The following CCDC171 variants were observed in gnomAD, a reference collection of about 807,000 sequenced individuals.
The protein encoded by CCDC171 is coiled-coil domain containing 171, also known as coiled-coil domain-containing protein 171.
Under a neutral mutation model 168.2 loss-of-function variants are expected in CCDC171, and 177 were observed. The observed-to-expected ratio is 1.05, with a 90% CI of 0.93 to 1.19. The LOEUF is 1.19. CCDC171 is among the 50% of genes most tolerant of loss of function. The probability of loss-of-function intolerance (pLI) is 0.00; values close to 1 mark genes in which losing one functional copy is unlikely to be tolerated. For missense variants in CCDC171, 1,991 were observed against 1,539.0 expected (o/e 1.29, Z -4.91); for synonymous variants, 687 against 540.8 (o/e 1.27, Z -3.75).
intron 23 of CCDC171, among the ~76,000 whole-genome samples, 170 bp downstream of exon 23, chr9:15,849,117 T>A (rs2061021235): frequency 6.6e-6 from 1 of 151,688 alleles, no homozygotes; most frequent in South Asian, 2.1e-4. Context: ...TATTGCATGC[T>A]TTTTTTCAGA....
In CCDC171 at chr9:15,808,567, A is replaced by C. The variant is rs191407883; in HGVS notation, c.3267+23873A>C. On this transcript the variant is annotated intron_variant, in intron 21 of 25. Transcript: ENST00000380701. ...CATATAATTTATTGTTGAACAATAAATCTGAAAGAATCATTGCTTGCTTTC... is the reference window on the plus strand; with the variant it reads ...CATATAATTTATTGTTGAACAATAACTCTGAAAGAATCATTGCTTGCTTTC... Among the ~76,000 whole-genome samples the C allele has an allele frequency of 7.9e-5, 12 of 152,322 alleles. No individual in the cohort carries two copies. The East Asian group carries it at 2.3e-3, about 29-fold the overall frequency.
intron 25 of CCDC171, among the ~76,000 whole-genome samples, chr9:15,947,463 C>G (rs933074812): frequency 2.0e-5 from 3 of 151,878 alleles, no homozygotes; most frequent in Admixed American, 1.3e-4. Context: ...TTTGTCTTTT[C>G]GTGCATGGCC....
intron 23 of CCDC171, among the ~76,000 whole-genome samples, chr9:15,873,333 ATTT>A (rs1216654772): frequency 6.6e-6 from 1 of 152,034 alleles, no homozygotes; most frequent in African/African-American, 2.4e-5. Context: ...TGGAGGAGAA[ATTT>A]TCTATCTTGT....
chr9:15,651,150 C>G (rs1182021478), intron 7 of CCDC171, among the ~76,000 whole-genome samples: 2 of 151,462 alleles, frequency 1.3e-5, no homozygotes, highest in South Asian at 2.1e-4. Flanking sequence ...CACTGTCTCA[C>G]CCAGGCTGGA....
At chr9:15,733,679 A>G (rs1054221739) in intron 16 of CCDC171, among the ~76,000 whole-genome samples, 3 of 117,046 alleles carry the variant, frequency 2.6e-5, no homozygotes, top group Admixed American at 9.3e-5. Flanking sequence ...TTAACCTTTT[A>G]CTAAGTTTAA....
At chr9:15,633,240 A>C (rs1172019631) in intron 7 of CCDC171, among the ~76,000 whole-genome samples, 1 of 152,228 alleles carries the variant, frequency 6.6e-6, no homozygotes, top group Non-Finnish European at 1.5e-5. Context: ...CAGGCAACCT[A>C]CACAATGGGA....
intron 6 of CCDC171, among the ~76,000 whole-genome samples, chr9:16,032,250 G>T (rs1833376013): frequency 6.6e-6 from 1 of 152,198 alleles, no homozygotes; most frequent in Admixed American, 6.5e-5. Context: ...ATGCATTTTA[G>T]AAATGTTGTG....
At chr9:15,648,200 C>G (rs2047203336) in intron 7 of CCDC171, among the ~76,000 whole-genome samples, 1 of 152,296 alleles carries the variant, frequency 6.6e-6, no homozygotes, top group African/African-American at 2.4e-5. Flanking sequence ...TTCAACAGCC[C>G]TTCATGCTAA....
chr9:15,653,290 T>G (rs1205554407), intron 7 of CCDC171, among the ~76,000 whole-genome samples: 1 of 151,924 alleles, frequency 6.6e-6, no homozygotes, highest in Non-Finnish European at 1.5e-5. Context: ...CAGGTGCACA[T>G]CACCATGCCT....
intron 24 of CCDC171, among the ~76,000 whole-genome samples, chr9:15,901,519 T>G (rs180934270): frequency 6.6e-6 from 1 of 152,356 alleles, no homozygotes; most frequent in East Asian, 1.9e-4. Context: ...AAATAGTCTA[T>G]TTAAAAAGTA....
At chr9:15,908,208 A>G (rs1018994686) in intron 24 of CCDC171, among the ~76,000 whole-genome samples, 9 of 152,184 alleles carry the variant, frequency 5.9e-5, no homozygotes, top group Non-Finnish European at 1.3e-4. Context: ...ATGCACACGT[A>G]TGTTTATTGT....
chr9:15,694,601 C>G (rs188021494), intron 10 of CCDC171, among the ~76,000 whole-genome samples: 2 of 152,204 alleles, frequency 1.3e-5, no homozygotes, highest in African/African-American at 2.4e-5. Context: ...TGGGATCAGT[C>G]TCAACTCTTC....
intron 4 of CCDC171, among the ~76,000 whole-genome samples, chr9:15,588,192 G>C (rs987840498): frequency 6.6e-6 from 1 of 152,080 alleles, no homozygotes; most frequent in Non-Finnish European, 1.5e-5. Context: ...CCGAGATTGC[G>C]CCACTGTACT....
chr9:15,711,953 C>G (rs1033347897), intron 11 of CCDC171, among the ~76,000 whole-genome samples: 2 of 152,282 alleles, frequency 1.3e-5, no homozygotes, highest in Non-Finnish European at 1.5e-5. Flanking sequence ...TGGTCCACAC[C>G]TGTATTCCAG....
chr9:15,905,804 G>A (rs1475723385), intron 24 of CCDC171, among the ~76,000 whole-genome samples: 2 of 151,628 alleles, frequency 1.3e-5, no homozygotes, highest in Non-Finnish European at 2.9e-5. Context: ...AAAGAGAGAA[G>A]AATCAAACAG....
chr9:15,895,551 G>A (rs1037870589), intron 24 of CCDC171, among the ~76,000 whole-genome samples: 3 of 152,030 alleles, frequency 2.0e-5, no homozygotes, highest in Non-Finnish European at 4.4e-5. Context: ...TTATCTATAT[G>A]TCAATAGACT....
chr9:16,070,880 C>T, the CCDC171 span, among the ~76,000 whole-genome samples: 2 of 152,286 alleles, frequency 1.3e-5, no homozygotes, highest in Admixed American at 6.5e-5. Flanking sequence ...GCCCCTTTCC[C>T]GATGCTTAGT....
At chr9:15,752,349 T>C (rs966669707) in intron 18 of CCDC171, among the ~76,000 whole-genome samples, 2 of 152,166 alleles carry the variant, frequency 1.3e-5, no homozygotes, top group Admixed American at 1.3e-4. Flanking sequence ...TGGCAATTCC[T>C]CAAGGATCTA....
rs1490926168 is a variant in CCDC171, at chr9:15,805,607, CTGTT to C, written c.3267+20918_3267+20921del. On this transcript the variant is annotated intron_variant, in intron 21 of 25. Transcript: ENST00000380701. ...AATTTGATAACACTAGTCTGAGAGA[CTGTT>C]TGTTATGATTTCAGTTCTTTTGCAT... Among the ~76,000 whole-genome samples the C allele has an allele frequency of 1.2e-4, 18 of 152,132 alleles. No homozygotes were observed. In the Middle Eastern group the frequency reaches 0.01, roughly 86 times the overall value.
Sources: gnomAD v4.1 joint callset for allele counts (sites outside exome capture counted in the v4.1 genomes callset) on GRCh38, gnomAD v4.1.1 for gene constraint, MANE v1.5 for transcripts, NCBI Gene and HGNC (gene_info 2026-07-23, HGNC 2026-07-21) for gene names.